PAWR: variants seen among roughly 807,000 people sequenced by gnomAD.
PAWR encodes the protein pro-apoptotic WT1 regulator, also known as PRKC apoptosis WT1 regulator protein.
In PAWR, 23 loss-of-function variants were observed where a neutral mutation model predicts 32.0. The observed-to-expected ratio is 0.72, with a 90% CI of 0.52 to 1.02. PAWR has a LOEUF of 1.02. PAWR is among the 50% of genes least tolerant of loss of function. PAWR has a pLI of 0.00. For synonymous variants in PAWR, 226 were observed against 187.1 expected (o/e 1.21, Z -1.70); for missense variants, 457 against 437.7 (o/e 1.04, Z -0.39).
intron 2 of PAWR, among the ~76,000 whole-genome samples, chr12:79,621,453 G>C (rs1193083049): frequency 6.6e-6 from 1 of 152,100 alleles, no homozygotes; most frequent in Non-Finnish European, 1.5e-5. Context: ...ATCAGTGACA[G>C]GGTTTTCTTA....
In PAWR at chr12:79,690,536, G is replaced by A. The variant is rs534458118; in HGVS notation, c.-147-145C>T. On this transcript the variant is annotated intron_variant, in intron 1 of 6. Transcript: ENST00000328827. ...CCAGCAGCCGCCGGGTCCCCACCCT[G>A]CAAAGTTTCTCCCACGCACCTACAG... 7 of 354,838 alleles carry A rather than the reference G, an allele frequency of 2.0e-5. No individual in the cohort carries two copies. In the South Asian group the frequency reaches 4.3e-4, roughly 22 times the overall value. 22.0% of individuals were successfully genotyped at this position (354,838 alleles called of 1,614,324 possible).
At chr12:79,676,550 CTAT>C (rs200475232) in intron 2 of PAWR, among the ~76,000 whole-genome samples, 2,494 of 152,256 alleles carry the variant, frequency 0.016, 42 homozygotes, top group Non-Finnish European at 0.028. Context: ...CTCCTTATCT[CTAT>C]TCTCTCTTTC....
At chr12:79,602,799 T>C (rs1423681922) in intron 4 of PAWR, among the ~76,000 whole-genome samples, 1 of 148,174 alleles carries the variant, frequency 6.7e-6, no homozygotes, top group Non-Finnish European at 1.5e-5. Context: ...TGTAGAGACG[T>C]GTCACTATGT....
At chr12:79,595,584 C>T (rs1873720156) in intron 5 of PAWR, among the ~76,000 whole-genome samples, 1 of 152,306 alleles carries the variant, frequency 6.6e-6, no homozygotes, top group East Asian at 1.9e-4. Flanking sequence ...CAGTGGCTCA[C>T]GCCTGTAATT....
intron 4 of PAWR, among the ~76,000 whole-genome samples, chr12:79,602,432 G>A (rs1050616510): frequency 4.6e-5 from 7 of 152,096 alleles, no homozygotes; most frequent in African/African-American, 7.2e-5. Context: ...TGAGCTAAAC[G>A]GAGACAGGGA....
intron 2 of PAWR, among the ~76,000 whole-genome samples, chr12:79,653,994 G>A (rs1876978323): frequency 6.6e-6 from 1 of 152,186 alleles, no homozygotes; most frequent in Non-Finnish European, 1.5e-5. Flanking sequence ...CCCAGTTGGA[G>A]GTACTACTGT....
chr12:79,664,673 A>T (rs1342059934), intron 2 of PAWR, among the ~76,000 whole-genome samples: 1 of 136,694 alleles, frequency 7.3e-6, no homozygotes, highest in Non-Finnish European at 1.5e-5. Context: ...GGGGGAGGAG[A>T]GAGAGAGAGT....
intron 2 of PAWR, among the ~76,000 whole-genome samples, chr12:79,680,456 A>C (rs1878384587): frequency 6.6e-6 from 1 of 152,216 alleles, no homozygotes. Context: ...TGTAGTATTT[A>C]TGTACTTATT....
At chr12:79,606,044 A>G (rs1874169060) in intron 4 of PAWR, among the ~76,000 whole-genome samples, 2 of 152,182 alleles carry the variant, frequency 1.3e-5, no homozygotes, top group South Asian at 2.1e-4. Context: ...ACTGCACACT[A>G]ACCTGGGCAA....
chr12:79,659,659 T>C (rs1346266337), intron 2 of PAWR, among the ~76,000 whole-genome samples: 2 of 152,226 alleles, frequency 1.3e-5, no homozygotes, highest in Non-Finnish European at 2.9e-5. Context: ...ATTTATTGTA[T>C]TCTTATACAA....
At chr12:79,609,931 C>A (rs1874361077) in intron 4 of PAWR, among the ~76,000 whole-genome samples, 1 of 152,220 alleles carries the variant, frequency 6.6e-6, no homozygotes, top group Non-Finnish European at 1.5e-5. Context: ...GGGTAGTGGG[C>A]ATCCCCCTAG....
intron 2 of PAWR, among the ~76,000 whole-genome samples, chr12:79,624,198 C>T (rs562232938): frequency 6.6e-6 from 1 of 152,282 alleles, no homozygotes; most frequent in South Asian, 2.1e-4. Flanking sequence ...GGTAGCCACG[C>T]ACTCCCAGAG....
intron 4 of PAWR, chr12:79,596,996 G>A (rs549897127): frequency 8.8e-5 from 16 of 182,584 alleles, no homozygotes; most frequent in Non-Finnish European, 1.8e-4. Flanking sequence ...AAGATGATCA[G>A]TAAAATAAGG....
At chr12:79,605,900 C>A (rs1414074026) in intron 4 of PAWR, among the ~76,000 whole-genome samples, 2 of 152,016 alleles carry the variant, frequency 1.3e-5, no homozygotes, top group African/African-American at 2.4e-5. Flanking sequence ...ATGGTGAAAC[C>A]CTATCTCTAC....
intron 2 of PAWR, among the ~76,000 whole-genome samples, chr12:79,659,484 C>G (rs1318225870): frequency 6.6e-6 from 1 of 152,084 alleles, no homozygotes; most frequent in Non-Finnish European, 1.5e-5. Flanking sequence ...ATGTTAGCAG[C>G]CAATTCCCCA....
intron 2 of PAWR, among the ~76,000 whole-genome samples, chr12:79,657,667 G>A (rs942330129): frequency 5.3e-5 from 8 of 152,002 alleles, no homozygotes; most frequent in Admixed American, 3.9e-4. Context: ...GGTGGCGGGC[G>A]CATGTAGTCC....
intron 2 of PAWR, among the ~76,000 whole-genome samples, chr12:79,658,125 A>G (rs1877181759): frequency 6.6e-6 from 1 of 152,186 alleles, no homozygotes; most frequent in African/African-American, 2.4e-5. Context: ...AGACTAAGAA[A>G]TCTAGAGGAA....
At chr12:79,645,327 C>T (rs1052846760) in intron 2 of PAWR, among the ~76,000 whole-genome samples, 1 of 152,072 alleles carries the variant, frequency 6.6e-6, no homozygotes, top group Non-Finnish European at 1.5e-5. Flanking sequence ...GATCTAAGGA[C>T]ATCATGAAAA....
At chr12:79,614,746 C>T (rs765365102) in intron 3 of PAWR, among the ~76,000 whole-genome samples, 51 of 152,146 alleles carry the variant, frequency 3.4e-4, no homozygotes, top group Non-Finnish European at 4.3e-4. Flanking sequence ...GAATAAGCTA[C>T]CTTTATAAGA....
Sources: allele counts gnomAD v4.1 joint callset (sites outside exome capture counted in the v4.1 genomes callset), GRCh38; gene constraint gnomAD v4.1.1; transcripts MANE v1.5; gene names NCBI Gene and HGNC (gene_info 2026-07-23, HGNC 2026-07-21).